ATP8A2: variants seen among roughly 807,000 people sequenced by gnomAD.
ATP8A2 encodes the protein phospholipid-transporting ATPase IB.
Under a neutral mutation model 165.6 loss-of-function variants are expected in ATP8A2, and 100 were observed. That is an observed-to-expected ratio of 0.60 (90% CI 0.51 to 0.71). The LOEUF (loss-of-function observed/expected upper bound fraction) is 0.71, where lower values mean the gene tolerates loss of function less well. Ranked by LOEUF, ATP8A2 falls within the 30% of genes least tolerant of loss-of-function variation. The probability of loss-of-function intolerance (pLI) is 0.00; values close to 1 mark genes in which losing one functional copy is unlikely to be tolerated. For missense variants in ATP8A2, 1,227 were observed against 1,479.5 expected, an observed-to-expected ratio of 0.83 and a Z score of 2.80; for synonymous variants, 543 against 548.8, an observed-to-expected ratio of 0.99 and a Z score of 0.15.
At chr13:25,639,776 C>G (rs1220439885) in intron 24 of ATP8A2, among the ~76,000 whole-genome samples, 2 of 152,176 alleles carry the variant, frequency 1.3e-5, no homozygotes, top group East Asian at 1.9e-4. Flanking sequence ...ACAGAACTCT[C>G]CACCCCAAAT....
intron 33 of ATP8A2, among the ~76,000 whole-genome samples, chr13:25,903,362 C>G (rs571629208): frequency 1.3e-5 from 2 of 152,170 alleles, no homozygotes; most frequent in African/African-American, 2.4e-5. Context: ...TGCCATGGCT[C>G]TCTTCTTTCC....
chr13:25,768,056 A>G (rs1342004554), intron 25 of ATP8A2, among the ~76,000 whole-genome samples: 1 of 93,404 alleles, frequency 1.1e-5, no homozygotes, highest in Admixed American at 1.8e-4. Flanking sequence ...CTTTGTGTTT[A>G]TTCTGTGTGT....
In ATP8A2 at chr13:25,392,802, G is replaced by C. The variant is rs559005753; in HGVS notation, c.76+20514G>C. 2.0e-3 allele frequency among the ~76,000 whole-genome samples: 306 copies of C among 151,998 alleles called. 2 individuals are homozygous for C. Among genetic ancestry groups the C allele is most frequent in the African/African-American group, 7.2e-3 (297 of 41,498 alleles). ...TTAAAAACTGGATTCTAAGCCGGGC[G>C]TGGTGGCTCATACCTGTAGTTCCAG... On this transcript the variant is annotated intron_variant, in intron 1 of 36. Coordinates refer to ENST00000381655, the MANE Select transcript of ATP8A2 (RefSeq NM_016529.6).
intron 15 of ATP8A2, among the ~76,000 whole-genome samples, chr13:25,561,168 T>G (rs1566270290): frequency 6.6e-6 from 1 of 152,150 alleles, no homozygotes; most frequent in Non-Finnish European, 1.5e-5. Flanking sequence ...TCCATTATTT[T>G]GGACATTCAT....
rs112673689 is a variant in ATP8A2 at position 25,916,906 on chromosome 13, G to A, written c.3184-44669G>A. On this transcript the variant is annotated intron_variant, in intron 33 of 36. Coordinates refer to ENST00000381655, the MANE Select transcript of ATP8A2 (RefSeq NM_016529.6). The stretch of plus-strand genomic sequence containing the variant: ...ACCTCTTCTTATTACCTTGAGACTT[G>A]AACTCAAAAATCACATGTTGGGCAC... Among the ~76,000 whole-genome samples, 1,395 of 152,040 alleles carry A rather than the reference G, an allele frequency of 9.2e-3. 29 individuals carry two copies. Among genetic ancestry groups the A allele is most frequent in the African/African-American group, 0.032 (1,307 of 41,430 alleles).
chr13:25,733,158 A>C (rs1566087514), intron 25 of ATP8A2, among the ~76,000 whole-genome samples: 1 of 152,226 alleles, frequency 6.6e-6, no homozygotes, highest in Non-Finnish European at 1.5e-5. Flanking sequence ...GGCTGACAGC[A>C]GGTGTTCTGA....
intron 1 of ATP8A2, among the ~76,000 whole-genome samples, chr13:25,422,302 G>A (rs2034323974): frequency 6.6e-6 from 1 of 152,170 alleles, no homozygotes; most frequent in African/African-American, 2.4e-5. Context: ...AATAGACTAA[G>A]AAGTGTTTAT....
intron 20 of ATP8A2, among the ~76,000 whole-genome samples, chr13:25,578,258 T>C (rs1361290759): frequency 6.6e-6 from 1 of 152,218 alleles, no homozygotes; most frequent in Non-Finnish European, 1.5e-5. Context: ...ACTATGCAAT[T>C]TGTAACACAT....
At chr13:25,499,358 T>C (rs2036779166) in intron 2 of ATP8A2, among the ~76,000 whole-genome samples, 1 of 152,164 alleles carries the variant, frequency 6.6e-6, no homozygotes, top group South Asian at 2.1e-4. Flanking sequence ...CTGTATCCGG[T>C]GGAATGTTTC....
intron 24 of ATP8A2, among the ~76,000 whole-genome samples, chr13:25,623,682 G>A (rs2041029708): frequency 6.6e-6 from 1 of 151,882 alleles, no homozygotes; most frequent in African/African-American, 2.4e-5. Context: ...ATGGACTTTT[G>A]GACATGGGAG....
intron 33 of ATP8A2, among the ~76,000 whole-genome samples, chr13:25,939,907 G>A (rs967071216): frequency 2.6e-5 from 4 of 152,164 alleles, no homozygotes; most frequent in African/African-American, 4.8e-5. Flanking sequence ...ACTTGTGTAG[G>A]TGGGACATTT....
At chr13:25,603,636 G>T (rs1216016981) in intron 24 of ATP8A2, among the ~76,000 whole-genome samples, 1 of 152,024 alleles carries the variant, frequency 6.6e-6, no homozygotes, top group Non-Finnish European at 1.5e-5. Context: ...TTGTGGTATT[G>T]GTGATGGGAG....
At chr13:25,928,030 CCTAGA>C (rs1282551624) in intron 33 of ATP8A2, among the ~76,000 whole-genome samples, 3 of 152,230 alleles carry the variant, frequency 2.0e-5, no homozygotes, top group African/African-American at 7.2e-5. Flanking sequence ...AAATAAACAT[CCTAGA>C]CTATTTCCTC....
At chr13:25,883,765 C>T (rs1460621066) in intron 33 of ATP8A2, among the ~76,000 whole-genome samples, 1 of 152,302 alleles carries the variant, frequency 6.6e-6, no homozygotes, top group East Asian at 1.9e-4. Flanking sequence ...CCAGAGAAAA[C>T]CTCACCACCT....
intron 24 of ATP8A2, among the ~76,000 whole-genome samples, chr13:25,681,580 A>C (rs2042489402): frequency 6.6e-6 from 1 of 152,232 alleles, no homozygotes; most frequent in Non-Finnish European, 1.5e-5. Flanking sequence ...GTCTCCAGGC[A>C]GATTACGGGA....
At chr13:25,486,941 G>T (rs918252415) in intron 2 of ATP8A2, among the ~76,000 whole-genome samples, 2 of 152,130 alleles carry the variant, frequency 1.3e-5, no homozygotes, top group Admixed American at 1.3e-4. Context: ...ACTCCAGCCT[G>T]GGTGACGGAG....
At chr13:25,748,273 T>C (rs2044078439) in intron 25 of ATP8A2, among the ~76,000 whole-genome samples, 1 of 152,212 alleles carries the variant, frequency 6.6e-6, no homozygotes, top group East Asian at 1.9e-4. Context: ...GTTGAAGATA[T>C]TTCAGCAAAT....
rs560341350 is a variant in ATP8A2 at position 25,992,218 on chromosome 13, C to CTT, written c.3378-20295_3378-20294dup. ...ATCCTTGCCAGCATTCAGTGCTGTC[C>CTT]TTTTTTTTTTTTTTTTTTTAATTTT... On this transcript the variant is annotated intron_variant, in intron 35 of 36. Coordinates refer to ENST00000381655, the MANE Select transcript of ATP8A2 (RefSeq NM_016529.6). Among the ~76,000 whole-genome samples, 11 of 120,534 alleles carry CTT rather than the reference C, an allele frequency of 9.1e-5. No individual in the cohort carries two copies. In the South Asian group the frequency reaches 1.9e-3, roughly 20 times the overall value. 79.1% of individuals were successfully genotyped at this position (120,534 alleles called of 152,430 possible).
At chr13:25,454,254 C>A (rs561337168) in intron 1 of ATP8A2, among the ~76,000 whole-genome samples, 30 of 152,260 alleles carry the variant, frequency 2.0e-4, no homozygotes, top group African/African-American at 6.5e-4. Flanking sequence ...TGCCTGTCAT[C>A]AACCCACCAT....
Sources: allele counts gnomAD v4.1 joint callset (sites outside exome capture counted in the v4.1 genomes callset), GRCh38; gene constraint gnomAD v4.1.1; transcripts MANE v1.5; gene names NCBI Gene and HGNC (gene_info 2026-07-23, HGNC 2026-07-21).